GLT8D2: variants seen among roughly 807,000 people sequenced by gnomAD.
The protein encoded by GLT8D2 is glycosyltransferase 8 domain containing 2.
GLT8D2 carries 45 observed loss-of-function variants against 44.5 expected under a neutral mutation model. The observed-to-expected ratio is 1.01, with a 90% CI of 0.80 to 1.30. The LOEUF (loss-of-function observed/expected upper bound fraction) is 1.30. Among genes scored for constraint, GLT8D2 ranks in the 50% most tolerant of loss-of-function variants. The pLI, the probability that GLT8D2 is intolerant of heterozygous loss-of-function variation, is 0.00. For synonymous variants in GLT8D2, 156 were observed against 157.2 expected (o/e 0.99, Z 0.06); for missense variants, 400 against 430.4 (o/e 0.93, Z 0.62).
At chr12:104,043,348 A>G (rs1297287133) in intron 1 of GLT8D2, among the ~76,000 whole-genome samples, 2 of 152,194 alleles carry the variant, frequency 1.3e-5, no homozygotes, top group Non-Finnish European at 2.9e-5. Context: ...CAGACTCCAG[A>G]TGCCATTTGG....
In GLT8D2 at chr12:103,991,520, G is replaced by GTCTC. The variant is rs61100523; in HGVS notation, c.880+1871_880+1872insGAGA. On this transcript the variant is annotated intron_variant, in intron 10 of 10. Coordinates refer to ENST00000360814, the MANE Select transcript of GLT8D2 (RefSeq NM_001384711.1). ...CATGTTTCATAAAATGTAATTCTGA[G>GTCTC]TCTGTCTCAAGATCATAAAATGCCG... Among the ~76,000 whole-genome samples, 31 of 152,010 alleles carry GTCTC rather than the reference G, an allele frequency of 2.0e-4. No individual in the cohort carries two copies. The East Asian group carries it at 4.1e-3, about 20-fold the overall frequency.
rs1873610373 is a variant in GLT8D2, at chr12:103,997,549, A to C, written c.403-14T>G. On this transcript the variant is annotated splice_polypyrimidine_tract_variant and intron_variant, in intron 6 of 10. Coordinates refer to ENST00000360814, the MANE Select transcript of GLT8D2 (RefSeq NM_001384711.1). ...AACAAAGTTCAGCTGTTAAAACGAC[A>C]AAAGAAATGATGGTGGGGGAGAGGC... is the stretch of plus-strand genomic sequence containing the variant. 1.3e-6 allele frequency: 2 copies of C among 1,593,826 alleles called. No homozygotes were observed. The highest frequency in any genetic ancestry group is 1.7e-6 in the Non-Finnish European group (2 of 1,161,626).
chr12:103,998,913 G>A (rs1287717267), intron 6 of GLT8D2, among the ~76,000 whole-genome samples: 1 of 152,142 alleles, frequency 6.6e-6, no homozygotes, highest in Non-Finnish European at 1.5e-5. Flanking sequence ...AATACCTTAA[G>A]ATTTCCAATG....
chr12:103,997,585 G>C, intron 6 of GLT8D2, 50 bp from the exon 7 acceptor site: 1 of 1,302,156 alleles, frequency 7.7e-7, no homozygotes, highest in Middle Eastern at 1.8e-4. Context: ...ATATGGCTTA[G>C]TGTCTTCTGG....
At chr12:104,042,371 G>C (rs150782681) in intron 1 of GLT8D2, among the ~76,000 whole-genome samples, 1 of 152,162 alleles carries the variant, frequency 6.6e-6, no homozygotes, top group African/African-American at 2.4e-5. Context: ...TTATGTCATC[G>C]AACTGCTGAA....
At chr12:104,007,233 GCT>G (rs57109528) in intron 4 of GLT8D2, among the ~76,000 whole-genome samples, 1,663 of 66,262 alleles carry the variant, frequency 0.025, 32 homozygotes, top group African/African-American at 0.083. Flanking sequence ...TATACTTAAA[GCT>G]CTCTCTCTCT....
At chr12:104,053,419 G>T (rs942439347), upstream of GLT8D2, among the ~76,000 whole-genome samples, 5 of 152,186 alleles carry the variant, frequency 3.3e-5, no homozygotes, top group Admixed American at 2.6e-4. Flanking sequence ...CACCAGAGTG[G>T]CCTTTGGAGA....
intron 4 of GLT8D2, among the ~76,000 whole-genome samples, chr12:104,014,539 T>C (rs767073071): frequency 6.6e-6 from 1 of 152,020 alleles, no homozygotes; most frequent in African/African-American, 2.4e-5. Context: ...CATTTTCAAG[T>C]TGAGAGTTAT....
intron 1 of GLT8D2, among the ~76,000 whole-genome samples, chr12:104,025,067 C>CAAAAAAA: frequency 3.0e-5 from 2 of 67,212 alleles, no homozygotes; most frequent in Admixed American, 3.2e-4. Context: ...GAGACTTTGT[C>CAAAAAAA]AAAAAAAAAA....
At chr12:103,999,353 T>G (rs1363882279) in intron 6 of GLT8D2, 44 bp downstream of exon 6, 14 of 1,059,268 alleles carry the variant, frequency 1.3e-5, no homozygotes, top group Non-Finnish European at 2.1e-5. Context: ...TGAACAAAGG[T>G]CTCACCAAGG....
At chr12:104,061,347 G>T (rs1262014190) in intron 1 of GLT8D2, among the ~76,000 whole-genome samples, 1 of 152,032 alleles carries the variant, frequency 6.6e-6, no homozygotes, top group Non-Finnish European at 1.5e-5. Flanking sequence ...TTTTAAATTT[G>T]AAGTTCAACA....
Position 104,019,687 on chromosome 12 carries a change from A to C in GLT8D2, c.-28-11T>G, listed in dbSNP as rs760253009. 6.3e-7 allele frequency: 1 copy of C among 1,585,350 alleles called. No homozygotes were observed. The highest frequency in any genetic ancestry group is 1.3e-5 in the African/African-American group (1 of 74,338). On this transcript the variant is annotated splice_polypyrimidine_tract_variant and intron_variant, in intron 2 of 10. Coordinates refer to ENST00000360814, the MANE Select transcript of GLT8D2 (RefSeq NM_001384711.1). Reference sequence around the variant, plus strand: ...GATAAGAACTGTAACCTGTGGATTAAAGGAAAAAAAATCTGTTTAAAGGAG... The same window carrying C: ...GATAAGAACTGTAACCTGTGGATTACAGGAAAAAAAATCTGTTTAAAGGAG...
At chr12:104,046,362 T>C (rs995516764) in intron 1 of GLT8D2, among the ~76,000 whole-genome samples, 1 of 152,212 alleles carries the variant, frequency 6.6e-6, no homozygotes, top group African/African-American at 2.4e-5. Context: ...CTCCTTAAAG[T>C]TATTATTCCA....
chr12:104,002,861 C>T (rs1002639562), intron 5 of GLT8D2, among the ~76,000 whole-genome samples: 2 of 152,104 alleles, frequency 1.3e-5, no homozygotes, highest in African/African-American at 2.4e-5. Context: ...AGAAGGATTG[C>T]TTGAGCCAGG....
At chr12:104,016,741 A>AAGAAAGAAAGAAAGAT (rs1876728792) in intron 3 of GLT8D2, among the ~76,000 whole-genome samples, 1 of 99,466 alleles carries the variant, frequency 1.0e-5, no homozygotes, top group Non-Finnish European at 2.1e-5. Context: ...GAAAGAAAGA[A>AAGAAAGAAAGAAAGAT]AGAAAGAAAG....
chr12:104,035,511 A>G (rs552446411), intron 1 of GLT8D2, among the ~76,000 whole-genome samples: 2 of 152,330 alleles, frequency 1.3e-5, no homozygotes, highest in South Asian at 4.1e-4. Context: ...CACGAGAACT[A>G]TGTGATGCAT....
chr12:104,044,604 C>T (rs1409607692), intron 1 of GLT8D2, among the ~76,000 whole-genome samples: 1 of 152,196 alleles, frequency 6.6e-6, no homozygotes, highest in Non-Finnish European at 1.5e-5. Flanking sequence ...CCTCCTAATT[C>T]CTCCTTCAAT....
At chr12:104,049,742 T>A (rs1358066965) in intron 1 of GLT8D2, among the ~76,000 whole-genome samples, 153 bp downstream of exon 1, 1 of 152,182 alleles carries the variant, frequency 6.6e-6, no homozygotes, top group African/African-American at 2.4e-5. Context: ...TGCTACCAGT[T>A]CGGACTGGGA....
chr12:104,016,321 A>G (rs1394011828), intron 3 of GLT8D2, among the ~76,000 whole-genome samples: 1 of 152,004 alleles, frequency 6.6e-6, no homozygotes, highest in Non-Finnish European at 1.5e-5. Context: ...GCTGCTTTTC[A>G]GTTAATTCAA....
Sources: allele counts gnomAD v4.1 joint callset (sites outside exome capture counted in the v4.1 genomes callset), GRCh38; gene constraint gnomAD v4.1.1; transcripts MANE v1.5; gene names NCBI Gene and HGNC (gene_info 2026-07-23, HGNC 2026-07-21).